GPHN: variants seen among roughly 807,000 people sequenced by gnomAD.
GPHN encodes gephyrin.
In GPHN, 17 loss-of-function variants were observed where a neutral mutation model predicts 95.5. The ratio of observed to expected loss-of-function variants is 0.18; its 90% confidence interval spans 0.12 to 0.27. The LOEUF (loss-of-function observed/expected upper bound fraction) is 0.27. GPHN is among the 10% of genes least tolerant of loss of function. GPHN has a pLI of 1.00. For synonymous variants in GPHN, 320 were observed against 322.5 expected (o/e 0.99, Z 0.08); for missense variants, 660 against 978.1 (o/e 0.67, Z 4.34).
At chr14:67,371,431 A>AG in the GPHN span, among the ~76,000 whole-genome samples, 3 of 152,188 alleles carry the variant, frequency 2.0e-5, no homozygotes, top group African/African-American at 7.2e-5. Context: ...CCAAAAAAAA[A>AG]AAAGTTAAGG....
chr14:66,627,675 G>A (rs1472835893), intron 1 of GPHN, among the ~76,000 whole-genome samples: 1 of 152,032 alleles, frequency 6.6e-6, no homozygotes, highest in African/African-American at 2.4e-5. Flanking sequence ...CATGAGAAAT[G>A]TATGAGGTTT....
intron 8 of GPHN, among the ~76,000 whole-genome samples, chr14:66,954,030 G>C (rs112102190): frequency 0.031 from 2,242 of 71,966 alleles, 30 homozygotes; most frequent in Non-Finnish European, 0.034. Context: ...AGCAAAACTC[G>C]GTCTCAAAAA....
the GPHN span, among the ~76,000 whole-genome samples, chr14:67,425,621 G>T: frequency 3.9e-5 from 6 of 152,240 alleles, no homozygotes; most frequent in African/African-American, 1.4e-4. Context: ...GACAAAGCAG[G>T]TGAACCAGTT....
the GPHN span, among the ~76,000 whole-genome samples, chr14:67,668,346 T>C: frequency 1.3e-5 from 2 of 152,216 alleles, no homozygotes. Flanking sequence ...AAATATTAAA[T>C]GGATTAATAA....
chr14:67,238,987 C>T, the GPHN span, among the ~76,000 whole-genome samples: 1 of 152,024 alleles, frequency 6.6e-6, no homozygotes, highest in Non-Finnish European at 1.5e-5. Flanking sequence ...AAAAAATGCC[C>T]TTCTGAATTG....
intron 13 of GPHN, 64 bp downstream of exon 13, chr14:67,100,975 C>T (rs910011318): frequency 1.8e-5 from 17 of 931,912 alleles, no homozygotes; most frequent in Non-Finnish European, 2.9e-5. Context: ...GCATCTAATT[C>T]TAAATTTCTC....
intron 1 of GPHN, among the ~76,000 whole-genome samples, chr14:66,669,319 G>A (rs944831391): frequency 3.3e-5 from 5 of 150,332 alleles, no homozygotes; most frequent in African/African-American, 4.9e-5. Flanking sequence ...AGCCGAGATC[G>A]TGCCATTGCA....
chr14:67,679,070 T>G, the GPHN span, among the ~76,000 whole-genome samples: 1 of 152,172 alleles, frequency 6.6e-6, no homozygotes, highest in Non-Finnish European at 1.5e-5. Flanking sequence ...TTATGGAAGC[T>G]GAGAAGTCCA....
At chr14:67,261,198 T>TG in the GPHN span, among the ~76,000 whole-genome samples, 1 of 152,132 alleles carries the variant, frequency 6.6e-6, no homozygotes, top group South Asian at 2.1e-4. Context: ...AAAGGGACAC[T>TG]GTTGTGGTGG....
the GPHN span, among the ~76,000 whole-genome samples, chr14:67,379,377 G>A: frequency 8.5e-5 from 13 of 152,238 alleles, no homozygotes; most frequent in Admixed American, 2.0e-4. Flanking sequence ...GCATACTCCT[G>A]ATTGTTGGAG....
chr14:67,282,447 CAA>C, the GPHN span, among the ~76,000 whole-genome samples: 1 of 151,970 alleles, frequency 6.6e-6, no homozygotes, highest in Admixed American at 6.5e-5. Flanking sequence ...TGTGAGTAGA[CAA>C]AGTATTCTTT....
the GPHN span, among the ~76,000 whole-genome samples, chr14:67,505,326 G>C: frequency 1.3e-5 from 2 of 152,102 alleles, no homozygotes; most frequent in African/African-American, 4.8e-5. Context: ...TGGTGAGAGG[G>C]GAATTCACCA....
the GPHN span, chr14:67,659,609 GAAA>G: frequency 2.0e-6 from 2 of 1,022,334 alleles, no homozygotes; most frequent in Non-Finnish European, 2.7e-6. Context: ...GGATAAGGGT[GAAA>G]AAAATGAAAC....
the GPHN span, among the ~76,000 whole-genome samples, chr14:67,684,347 A>G: frequency 7.9e-5 from 12 of 152,294 alleles, no homozygotes; most frequent in Middle Eastern, 6.8e-3. Context: ...ATTTGCTTCA[A>G]AATAATATGG....
intron 5 of GPHN, among the ~76,000 whole-genome samples, chr14:66,907,993 A>G (rs771446751): frequency 1.1e-4 from 17 of 152,092 alleles, no homozygotes; most frequent in Non-Finnish European, 2.1e-4. Context: ...ACATAGATAC[A>G]AATGGTTACA....
the GPHN span, among the ~76,000 whole-genome samples, chr14:67,594,847 G>T: frequency 2.0e-5 from 3 of 151,972 alleles, no homozygotes; most frequent in African/African-American, 7.2e-5. Context: ...TACCTTAAAC[G>T]TGCTCAGAAC....
At chr14:67,460,263 C>G in the GPHN span, among the ~76,000 whole-genome samples, 71,950 of 151,932 alleles carry the variant, frequency 0.47, 19,035 homozygotes, top group African/African-American at 0.72. Context: ...GGCCAGATCA[C>G]CAGATGACCC....
the GPHN span, among the ~76,000 whole-genome samples, chr14:67,232,218 C>T: frequency 1.3e-5 from 2 of 152,232 alleles, no homozygotes; most frequent in African/African-American, 2.4e-5. Flanking sequence ...CTTTGTTGCT[C>T]CCTCTCTTAA....
intron 11 of GPHN, among the ~76,000 whole-genome samples, chr14:67,075,148 G>T (rs1295064723): frequency 6.6e-6 from 1 of 152,162 alleles, no homozygotes; most frequent in African/African-American, 2.4e-5. Context: ...AAAGTAGCTG[G>T]TGACTTTAAG....
Sources: gnomAD v4.1 joint callset for allele counts (sites outside exome capture counted in the v4.1 genomes callset) on GRCh38, gnomAD v4.1.1 for gene constraint, MANE v1.5 for transcripts, NCBI Gene and HGNC (gene_info 2026-07-23, HGNC 2026-07-21) for gene names.